The following LRP1B variants were observed in gnomAD, a reference collection of about 807,000 sequenced individuals.
LRP1B encodes LDL receptor related protein 1B.
A neutral mutation model predicts 556.6 loss-of-function variants in LRP1B; 217 were observed. That is an observed-to-expected ratio of 0.39 (90% CI 0.35 to 0.44). The LOEUF (loss-of-function observed/expected upper bound fraction) is 0.44. Among genes scored for constraint, LRP1B ranks in the 20% least tolerant of loss-of-function variants. The pLI, the probability that LRP1B is intolerant of heterozygous loss-of-function variation, is 1.00. For missense variants in LRP1B, 5,053 were observed against 5,620.8 expected (o/e 0.90, Z 3.23); for synonymous variants, 2,047 against 1,865.8 (o/e 1.10, Z -2.50).
chr2:141,424,668 C>G (rs1484246147), intron 3 of LRP1B, among the ~76,000 whole-genome samples: 2 of 152,094 alleles, frequency 1.3e-5, no homozygotes, highest in African/African-American at 4.8e-5. Flanking sequence ...TTCTTTAATT[C>G]TAGCACTATA....
chr2:142,117,148 A>G lies in LRP1B; in HGVS notation c.82+13500T>C, dbSNP rs72996323. Among the ~76,000 whole-genome samples, 894 of 152,206 alleles carry G rather than the reference A, an allele frequency of 5.9e-3. 9 individuals are homozygous for G. The highest frequency in any genetic ancestry group is 0.02 in the African/African-American group (845 of 41,544). ...ACTAAGGCTGAAATCTCCGCTTAGCATTTCTTCATTAGTATTAAGAGAGTT... is the reference window on the plus strand; with the variant it reads ...ACTAAGGCTGAAATCTCCGCTTAGCGTTTCTTCATTAGTATTAAGAGAGTT... On this transcript the variant is annotated intron_variant, in intron 1 of 90. Transcript: ENST00000389484.
At chr2:141,085,624 G>C (rs560423313) in intron 7 of LRP1B, among the ~76,000 whole-genome samples, 2 of 152,110 alleles carry the variant, frequency 1.3e-5, no homozygotes, top group Admixed American at 6.5e-5. Context: ...CTTCAGAACC[G>C]TGACAAAACG....
intron 35 of LRP1B, among the ~76,000 whole-genome samples, chr2:140,748,807 A>G (rs1688460796): frequency 9.1e-6 from 1 of 110,092 alleles, no homozygotes; most frequent in African/African-American, 3.5e-5. Context: ...TACATATTAT[A>G]TACATGTATA....
At chr2:141,441,653 A>G (rs1241061671) in intron 3 of LRP1B, among the ~76,000 whole-genome samples, 2 of 152,240 alleles carry the variant, frequency 1.3e-5, no homozygotes, top group African/African-American at 4.8e-5. Flanking sequence ...CACATTATAC[A>G]TCTGTAATAT....
At chr2:140,691,242 C>A (rs1031146486) in intron 41 of LRP1B, among the ~76,000 whole-genome samples, 1 of 151,944 alleles carries the variant, frequency 6.6e-6, no homozygotes. Flanking sequence ...GAGGCCAAGG[C>A]GAGTGGATCA....
At chr2:141,085,080 AT>A (rs1325424464) in intron 7 of LRP1B, among the ~76,000 whole-genome samples, 2 of 143,734 alleles carry the variant, frequency 1.4e-5, no homozygotes, top group African/African-American at 5.0e-5. Context: ...AGACTCACCA[AT>A]TGTTAAAATG....
At chr2:141,318,744 T>C (rs753323325) in intron 3 of LRP1B, among the ~76,000 whole-genome samples, 32 of 152,126 alleles carry the variant, frequency 2.1e-4, no homozygotes, top group Non-Finnish European at 1.3e-4. Context: ...TATTCTAAAT[T>C]AACCATGAAG....
intron 3 of LRP1B, among the ~76,000 whole-genome samples, chr2:141,348,021 A>G (rs560971493): frequency 1.3e-5 from 2 of 152,216 alleles, no homozygotes; most frequent in South Asian, 2.1e-4. Flanking sequence ...ATCTATTTCA[A>G]TGTAGTCTTT....
intron 1 of LRP1B, among the ~76,000 whole-genome samples, chr2:141,898,318 A>G (rs1040503561): frequency 3.3e-5 from 5 of 152,082 alleles, no homozygotes; most frequent in African/African-American, 9.7e-5. Flanking sequence ...CAGAGCTACA[A>G]AGGGCTCCCA....
intron 1 of LRP1B, among the ~76,000 whole-genome samples, chr2:141,909,534 T>A (rs1463028910): frequency 4.2e-5 from 2 of 47,906 alleles, no homozygotes; most frequent in Non-Finnish European, 1.0e-4. Flanking sequence ...ACATTTTTTT[T>A]TTTTTTTTTT....
intron 6 of LRP1B, among the ~76,000 whole-genome samples, chr2:141,196,584 G>A (rs996257216): frequency 3.9e-5 from 6 of 151,900 alleles, no homozygotes; most frequent in African/African-American, 1.5e-4. Context: ...CAAGTTTTGG[G>A]TTATTTTTAG....
intron 1 of LRP1B, among the ~76,000 whole-genome samples, chr2:141,952,511 GA>G (rs1701134295): frequency 6.6e-6 from 1 of 152,028 alleles, no homozygotes; most frequent in African/African-American, 2.4e-5. Flanking sequence ...TCATCCCTTG[GA>G]ATATTGAACA....
At chr2:141,676,738 T>G (rs936294223) in intron 2 of LRP1B, among the ~76,000 whole-genome samples, 1 of 152,148 alleles carries the variant, frequency 6.6e-6, no homozygotes. Flanking sequence ...AAACTTTCCC[T>G]TAGAGTATTC....
chr2:140,534,940 C>T (rs2104997407), intron 46 of LRP1B, among the ~76,000 whole-genome samples: 1 of 152,264 alleles, frequency 6.6e-6, no homozygotes, highest in African/African-American at 2.4e-5. Context: ...GCTAATTACA[C>T]TAGCAGGTTT....
At chr2:141,933,407 TG>T (rs1423127222) in intron 1 of LRP1B, among the ~76,000 whole-genome samples, 1 of 152,116 alleles carries the variant, frequency 6.6e-6, no homozygotes, top group African/African-American at 2.4e-5. Flanking sequence ...ATCTTGTAGA[TG>T]TTGCTGAATA....
intron 1 of LRP1B, among the ~76,000 whole-genome samples, chr2:142,098,278 A>G (rs1199088321): frequency 1.3e-5 from 2 of 151,838 alleles, no homozygotes; most frequent in Admixed American, 6.6e-5. Context: ...ATACATTTAG[A>G]CATTACTGAA....
At chr2:140,703,783 C>T (rs1686731166) in intron 37 of LRP1B, among the ~76,000 whole-genome samples, 2 of 152,122 alleles carry the variant, frequency 1.3e-5, no homozygotes, top group Non-Finnish European at 2.9e-5. Flanking sequence ...CTTTTCTGTT[C>T]CTGCATCAAT....
At chr2:141,793,771 G>A (rs1251829569) in intron 2 of LRP1B, among the ~76,000 whole-genome samples, 1 of 151,802 alleles carries the variant, frequency 6.6e-6, no homozygotes, top group Non-Finnish European at 1.5e-5. Flanking sequence ...ACGTGTATCA[G>A]TTAAAATTAA....
intron 31 of LRP1B, among the ~76,000 whole-genome samples, chr2:140,833,217 A>G (rs1191165146): frequency 6.6e-6 from 1 of 152,212 alleles, no homozygotes; most frequent in East Asian, 1.9e-4. Context: ...AATTATTGTC[A>G]AATAAAAGTT....
Sources: allele counts gnomAD v4.1 joint callset (sites outside exome capture counted in the v4.1 genomes callset), GRCh38; gene constraint gnomAD v4.1.1; transcripts MANE v1.5; gene names NCBI Gene and HGNC (gene_info 2026-07-23, HGNC 2026-07-21).